The following STK33 variants were observed in gnomAD, a reference collection of about 807,000 sequenced individuals.
STK33 encodes serine/threonine kinase 33.
STK33 carries 52 observed loss-of-function variants against 58.0 expected under a neutral mutation model. That is an observed-to-expected ratio of 0.90 (90% CI 0.72 to 1.13). The LOEUF (loss-of-function observed/expected upper bound fraction) is 1.13, where lower values mean the gene tolerates loss of function less well. Ranked by LOEUF, STK33 falls within the 50% of genes most tolerant of loss-of-function variation. The pLI is 0.00. For synonymous variants in STK33, 215 were observed against 200.1 expected (o/e 1.07, Z -0.63); for missense variants, 630 against 604.2 (o/e 1.04, Z -0.45).
the STK33 span, among the ~76,000 whole-genome samples, chr11:8,373,553 G>C: frequency 6.6e-6 from 1 of 152,158 alleles, no homozygotes; most frequent in Admixed American, 6.5e-5. Flanking sequence ...CAGCAGAAAA[G>C]TAGAAAATAG....
chr11:8,404,915 C>T (rs566915590), intron 15 of STK33, among the ~76,000 whole-genome samples: 35 of 152,276 alleles, frequency 2.3e-4, no homozygotes, highest in East Asian at 1.2e-3. Context: ...CCAAGGTAGG[C>T]GGATCGCGAG....
chr11:8,555,756 T>A (rs1219732982), intron 1 of STK33, among the ~76,000 whole-genome samples: 1 of 152,144 alleles, frequency 6.6e-6, no homozygotes, highest in East Asian at 1.9e-4. Flanking sequence ...ATATGTTAAT[T>A]AGCTTGATTT....
At chr11:8,500,544 T>C (rs1003082650) in intron 1 of STK33, among the ~76,000 whole-genome samples, 2 of 152,140 alleles carry the variant, frequency 1.3e-5, no homozygotes, top group South Asian at 2.1e-4. Context: ...TAAAACTTCA[T>C]TGAAAGGAAT....
intron 15 of STK33, among the ~76,000 whole-genome samples, chr11:8,409,664 G>C (rs1939873106): frequency 6.6e-6 from 1 of 152,086 alleles, no homozygotes; most frequent in African/African-American, 2.4e-5. Context: ...GAAATTTCTT[G>C]GTCTGTTTAC....
At chr11:8,347,831 G>T in the STK33 span, among the ~76,000 whole-genome samples, 1 of 152,360 alleles carries the variant, frequency 6.6e-6, no homozygotes, top group East Asian at 1.9e-4. Flanking sequence ...CCCTTCAAGG[G>T]TCTAGAAACA....
chr11:8,449,440 A>G (rs1945978004), intron 11 of STK33, among the ~76,000 whole-genome samples: 2 of 151,726 alleles, frequency 1.3e-5, no homozygotes, highest in Admixed American at 6.6e-5. Context: ...ACACTATGGA[A>G]TACTATGCAG....
chr11:8,520,597 A>G (rs1953322394), intron 1 of STK33, among the ~76,000 whole-genome samples: 1 of 152,182 alleles, frequency 6.6e-6, no homozygotes. Flanking sequence ...AGAAAACCCC[A>G]TCGTCTCGGC....
At chr11:8,418,155 C>T (rs1000764499) in intron 14 of STK33, among the ~76,000 whole-genome samples, 7 of 151,708 alleles carry the variant, frequency 4.6e-5, no homozygotes, top group African/African-American at 7.3e-5. Context: ...TAGGTAAACT[C>T]GTGTCACAGG....
intron 1 of STK33, among the ~76,000 whole-genome samples, chr11:8,513,124 C>T (rs1952476464): frequency 6.6e-6 from 1 of 151,988 alleles, no homozygotes; most frequent in South Asian, 2.1e-4. Context: ...CACTTTTTTG[C>T]CACTTAGTCA....
chr11:8,534,948 A>C (rs1024160093), intron 1 of STK33, among the ~76,000 whole-genome samples: 2 of 152,178 alleles, frequency 1.3e-5, no homozygotes, highest in African/African-American at 4.8e-5. Context: ...AAAAGAGTTA[A>C]AATATTCCCC....
At chr11:8,442,436 T>C (rs1199034252) in intron 11 of STK33, among the ~76,000 whole-genome samples, 1 of 152,170 alleles carries the variant, frequency 6.6e-6, no homozygotes, top group Admixed American at 6.6e-5. Flanking sequence ...TTCAGAGTCA[T>C]CTTAATTATC....
intron 1 of STK33, among the ~76,000 whole-genome samples, chr11:8,486,959 T>C (rs761742859): frequency 6.6e-6 from 1 of 152,258 alleles, no homozygotes; most frequent in Non-Finnish European, 1.5e-5. Context: ...AGCCATTTAC[T>C]GAGACAGTAA....
At chr11:8,440,573 A>C in intron 12 of STK33, 105 bp downstream of exon 12, 1 of 1,027,114 alleles carries the variant, frequency 9.7e-7, no homozygotes, top group Non-Finnish European at 1.3e-6. Context: ...TTGGTTTTTA[A>C]ATCACTTTTT....
intron 1 of STK33, among the ~76,000 whole-genome samples, chr11:8,585,260 T>C (rs2031327293): frequency 7.5e-6 from 1 of 132,836 alleles, no homozygotes; most frequent in Non-Finnish European, 1.6e-5. Context: ...AGTCTCACTC[T>C]GTCACCCAGG....
At position 8,506,845 on chromosome 11, in the gene STK33, C is replaced by T. The variant is rs183950293; in HGVS notation, c.-465-26231G>A. Among the ~76,000 whole-genome samples the T allele has an allele frequency of 3.0e-4, 46 of 152,222 alleles. No individual in the cohort carries two copies. In the East Asian group the frequency reaches 8.1e-3, roughly 27 times the overall value. On this transcript the variant is annotated intron_variant, in intron 1 of 15. Transcript: ENST00000687296. ...ACCTTTTTAATTTGATATAAATACA[C>T]ACACATACATATGCACATACATATG... is the stretch of plus-strand genomic sequence containing the variant.
chr11:8,526,866 AGATTCTGTTTATATGTT>A, intron 1 of STK33, among the ~76,000 whole-genome samples: 1 of 149,300 alleles, frequency 6.7e-6, no homozygotes. Flanking sequence ...AGATACTGTA[AGATTCTGTTTATATGTT>A]AAAAAAAAAA....
At chr11:8,376,360 G>A in the STK33 span, among the ~76,000 whole-genome samples, 16 of 152,144 alleles carry the variant, frequency 1.1e-4, no homozygotes, top group Non-Finnish European at 1.9e-4. Context: ...TGTTGGGTGG[G>A]GCTGGGTGGA....
chr11:8,353,569 C>T, the STK33 span, among the ~76,000 whole-genome samples: 1 of 152,190 alleles, frequency 6.6e-6, no homozygotes, highest in Non-Finnish European at 1.5e-5. Context: ...ACTCCAAGGC[C>T]ACCTAGACAT....
At chr11:8,371,762 T>TCC in the STK33 span, among the ~76,000 whole-genome samples, 1 of 132,732 alleles carries the variant, frequency 7.5e-6, no homozygotes, top group Non-Finnish European at 1.6e-5. Context: ...CCTCCCTTCC[T>TCC]CTTTCCCTCC....
Sources: allele counts gnomAD v4.1 joint callset (sites outside exome capture counted in the v4.1 genomes callset), GRCh38; gene constraint gnomAD v4.1.1; transcripts MANE v1.5; gene names NCBI Gene and HGNC (gene_info 2026-07-23, HGNC 2026-07-21).